PPFIBP2: variants seen among roughly 807,000 people sequenced by gnomAD.
PPFIBP2 encodes the protein PPFIB scaffold protein 2, also known as liprin-beta-2.
A neutral mutation model predicts 118.3 loss-of-function variants in PPFIBP2; 118 were observed. The ratio of observed to expected loss-of-function variants is 1.00; its 90% CI spans 0.86 to 1.16. PPFIBP2 has a LOEUF of 1.16. PPFIBP2 is among the 50% of genes most tolerant of loss of function. The pLI is 0.00. For synonymous variants in PPFIBP2, 414 were observed against 397.4 expected (o/e 1.04, Z -0.50); for missense variants, 1,195 against 1,073.1 (o/e 1.11, Z -1.59).
chr11:7,565,700 C>CA lies in PPFIBP2; in HGVS notation c.213dup (p.Ala72SerfsTer19). On this transcript the variant is annotated frameshift_variant, in exon 3 of 24. Transcript: ENST00000299492. LOFTEE classifies it high-confidence loss of function. ...ATGCTGGAGCTTCCTCAGGAGAGAG[C>CA]AGCCCTCCTGAGCCAGATCCCTGGC... The CA allele has an allele frequency of 6.2e-7, 1 of 1,614,174 alleles. No individual in the cohort carries two copies.
At chr11:7,551,149 T>C (rs1852939705) in intron 2 of PPFIBP2, among the ~76,000 whole-genome samples, 2 of 151,802 alleles carry the variant, frequency 1.3e-5, no homozygotes, top group African/African-American at 4.8e-5. Context: ...GGAGAAAGAG[T>C]CAAGAAAGTG....
chr11:7,591,216 T>G (rs1288073792), intron 3 of PPFIBP2, among the ~76,000 whole-genome samples: 1 of 152,066 alleles, frequency 6.6e-6, no homozygotes, highest in Non-Finnish European at 1.5e-5. Flanking sequence ...AAGGCATAGT[T>G]GGTACAGTGG....
intron 3 of PPFIBP2, chr11:7,577,340 T>TGTGCGTGTGTGTGCGTGTGTGTGTGTGC: frequency 9.0e-6 from 3 of 333,886 alleles, no homozygotes; most frequent in South Asian, 4.6e-5. Flanking sequence ...TGTGTGTGTG[T>TGTGCGTGTGTGTGCGTGTGTGTGTGTGC]GTGTGTGTGT....
chr11:7,596,974 A>G (rs997339725), intron 4 of PPFIBP2, among the ~76,000 whole-genome samples: 4 of 152,116 alleles, frequency 2.6e-5, no homozygotes, highest in East Asian at 1.9e-4. Context: ...TGGCTTCTCT[A>G]TATTTATGAC....
intron 6 of PPFIBP2, chr11:7,617,371 A>C: frequency 1.1e-6 from 1 of 907,268 alleles, no homozygotes; most frequent in African/African-American, 1.8e-5. Flanking sequence ...GGTTTCTCCT[A>C]ACCAGAACAG....
chr11:7,537,464 T>G (rs1184531872), intron 1 of PPFIBP2, among the ~76,000 whole-genome samples: 1 of 152,214 alleles, frequency 6.6e-6, no homozygotes, highest in African/African-American at 2.4e-5. Context: ...TCTTGATCTA[T>G]TGTGAATGGC....
chr11:7,516,659 T>A (rs947260934), intron 1 of PPFIBP2, among the ~76,000 whole-genome samples: 1 of 152,134 alleles, frequency 6.6e-6, no homozygotes, highest in Non-Finnish European at 1.5e-5. Context: ...TTTTATAGTT[T>A]CCTGTAAACA....
chr11:7,618,040 C>A (rs1049031851), intron 6 of PPFIBP2, among the ~76,000 whole-genome samples: 1 of 152,142 alleles, frequency 6.6e-6, no homozygotes, highest in African/African-American at 2.4e-5. Flanking sequence ...CAAGAAAAGA[C>A]CGAGGTCACA....
intron 5 of PPFIBP2, among the ~76,000 whole-genome samples, chr11:7,603,597 A>G (rs78867408): frequency 0.033 from 5,081 of 152,220 alleles, 278 homozygotes; most frequent in African/African-American, 0.12. Flanking sequence ...ACACTTAAAG[A>G]TGGAGGTAAT....
At chr11:7,662,986 T>G in the PPFIBP2 span, among the ~76,000 whole-genome samples, 9 of 138,428 alleles carry the variant, frequency 6.5e-5, no homozygotes, top group African/African-American at 2.0e-4. Context: ...CAAGCCTTGG[T>G]TTTCAGCTCC....
Position 7,543,210 on chromosome 11 carries a change from A to G in PPFIBP2, c.-36-6230A>G, listed in dbSNP as rs1851966668. 2.6e-5 allele frequency among the ~76,000 whole-genome samples: 4 copies of G among 152,232 alleles called. 1 individual carries two copies. In the South Asian group the frequency reaches 6.2e-4, roughly 24 times the overall value. ...AAGAGGTTTCTTAGATCCTTTAAAG[A>G]GGCTTTCTCTTAAGCTTAGGGATAG... On this transcript the variant is annotated intron_variant, in intron 1 of 23. Coordinates refer to ENST00000299492, the MANE Select transcript of PPFIBP2 (RefSeq NM_003621.5).
chr11:7,588,890 TTA>T (rs1858704736), intron 3 of PPFIBP2, among the ~76,000 whole-genome samples: 1 of 152,204 alleles, frequency 6.6e-6, no homozygotes, highest in African/African-American at 2.4e-5. Flanking sequence ...GTGGCATTCT[TTA>T]GTCAAAATTG....
intron 13 of PPFIBP2, among the ~76,000 whole-genome samples, chr11:7,635,108 A>C (rs1191861864): frequency 6.6e-6 from 1 of 152,180 alleles, no homozygotes; most frequent in East Asian, 1.9e-4. Flanking sequence ...GGTGGACCTC[A>C]TGCTGCAGGG....
the PPFIBP2 span, chr11:7,665,713 C>T: frequency 5.3e-6 from 6 of 1,141,700 alleles, no homozygotes; most frequent in South Asian, 9.2e-5. Flanking sequence ...AACTAGTAAA[C>T]AGCCCTCTGC....
chr11:7,599,717 G>A (rs1226096070), intron 5 of PPFIBP2, among the ~76,000 whole-genome samples: 3 of 146,482 alleles, frequency 2.0e-5, no homozygotes, highest in African/African-American at 2.5e-5. Flanking sequence ...TGCAACCTCC[G>A]CCTCCTGGGT....
chr11:7,600,849 T>C (rs1861301062), intron 5 of PPFIBP2, among the ~76,000 whole-genome samples: 1 of 152,186 alleles, frequency 6.6e-6, no homozygotes, highest in African/African-American at 2.4e-5. Context: ...ATCTAAAGAG[T>C]TAAGGATCTC....
chr11:7,593,193 T>C lies in PPFIBP2; in HGVS notation c.341T>C (p.Leu114Pro), dbSNP rs759789039. 6.2e-7 allele frequency: 1 copy of C among 1,614,058 alleles called. No individual in the cohort carries two copies. The highest frequency in any genetic ancestry group is 8.5e-7 in the Non-Finnish European group (1 of 1,179,938). ...NETYQERLAR[L>P]EGDKESLILQ... ...ACCTACCAGGAACGCTTGGCACGTC[T>C]AGAAGGGGATAAGGAGTCCCTCATA... Residue 114 changes from leucine (L) to proline (P), a missense_variant, in exon 4 of 24, where the codon CTA (leucine) becomes CCA (proline). Transcript: ENST00000299492.
intron 3 of PPFIBP2, among the ~76,000 whole-genome samples, chr11:7,585,374 CCTTA>C (rs1857961293): frequency 6.6e-6 from 1 of 152,308 alleles, no homozygotes. Flanking sequence ...TTCCCACACT[CCTTA>C]CTTGTATACC....
At chr11:7,660,908 C>T (rs1008424323), downstream of PPFIBP2, among the ~76,000 whole-genome samples, 3 of 151,910 alleles carry the variant, frequency 2.0e-5, no homozygotes, top group African/African-American at 7.3e-5. Flanking sequence ...TTATCCATTT[C>T]TTCTAGATTT....
Sources: gnomAD v4.1 joint callset for allele counts (sites outside exome capture counted in the v4.1 genomes callset) on GRCh38, gnomAD v4.1.1 for gene constraint, MANE v1.5 for transcripts, NCBI Gene and HGNC (gene_info 2026-07-23, HGNC 2026-07-21) for gene names.